The following ETNK1 variants were observed in gnomAD, a reference collection of about 807,000 sequenced individuals.
ETNK1 encodes ethanolamine kinase 1.
In ETNK1, 8 loss-of-function variants were observed where a neutral mutation model predicts 45.1. The ratio of observed to expected loss-of-function variants is 0.18; its 90% CI spans 0.10 to 0.32. The LOEUF (loss-of-function observed/expected upper bound fraction) is 0.32, where lower values mean the gene tolerates loss of function less well. ETNK1 is among the 10% of genes least tolerant of loss of function. The probability of loss-of-function intolerance (pLI) is 1.00; values close to 1 mark genes in which losing one functional copy is unlikely to be tolerated. For missense variants in ETNK1, 302 were observed against 430.6 expected (o/e 0.70, Z 2.64); for synonymous variants, 152 against 151.9 (o/e 1.00, Z -0.01).
At chr12:22,659,496 A>AT (rs1565444267) in intron 3 of ETNK1, among the ~76,000 whole-genome samples, 1 of 152,186 alleles carries the variant, frequency 6.6e-6, no homozygotes, top group Non-Finnish European at 1.5e-5. Context: ...GTCTAGTATT[A>AT]TATAGAATAA....
Position 22,658,996 on chromosome 12 carries a change from C to A in ETNK1, c.417-18C>A. ...TGATACTTAAGTTTTTCTTTTTATG[C>A]GGTTTTGTTTTAAACAGGCTAATAG... On this transcript the variant is annotated intron_variant, in intron 2 of 7. Transcript: ENST00000266517. 1 of 1,596,648 alleles carries A rather than the reference C, an allele frequency of 6.3e-7. No individual in the cohort carries two copies. Among genetic ancestry groups the A allele is most frequent in the Non-Finnish European group, 8.5e-7 (1 of 1,174,580 alleles).
intron 1 of ETNK1, among the ~76,000 whole-genome samples, chr12:22,633,408 A>G (rs1592111143): frequency 6.6e-6 from 1 of 152,196 alleles, no homozygotes; most frequent in Non-Finnish European, 1.5e-5. Context: ...TTACTGTAGC[A>G]GTACCACTCT....
intron 1 of ETNK1, among the ~76,000 whole-genome samples, chr12:22,629,290 A>G (rs570715499): frequency 2.0e-5 from 3 of 152,292 alleles, no homozygotes; most frequent in African/African-American, 7.2e-5. Context: ...AGATTACCCA[A>G]GAAGTTTAAA....
chr12:22,659,212 T>C lies in ETNK1; in HGVS notation c.557+58T>C. On this transcript the variant is annotated intron_variant, in intron 3 of 7. Coordinates refer to ENST00000266517, the MANE Select transcript of ETNK1 (RefSeq NM_018638.5). ...TACATTGCTTTGCTCTATGATAGGG[T>C]TTCAAAGGTAATTGTAAAGTTTCAT... 3.4e-6 allele frequency: 5 copies of C among 1,490,612 alleles called. No homozygotes were observed. The Admixed American group carries it at 9.8e-5, about 29-fold the overall frequency. 92.3% of individuals were successfully genotyped at this position (1,490,612 alleles called of 1,614,324 possible). A position where few individuals can be genotyped will look rare whatever the true frequency, so the allele number is the denominator to read the frequency against.
intron 6 of ETNK1, 28 bp from the exon 7 acceptor site, chr12:22,684,454 AT>A: frequency 2.6e-6 from 4 of 1,527,140 alleles, no homozygotes; most frequent in Non-Finnish European, 3.6e-6. Flanking sequence ...CATTATCATA[AT>A]TTTTGATTTT....
chr12:22,689,425 A>G lies in ETNK1; in HGVS notation c.*4471A>G, dbSNP rs1049349473. 20 of 151,982 alleles carry G rather than the reference A, an allele frequency of 1.3e-4. No homozygotes were observed. The highest frequency in any genetic ancestry group is 4.3e-4 in the African/African-American group (18 of 41,456). The allele number at this position is 151,982 out of a possible 1,614,324, so 9.4% of individuals were successfully genotyped here. A position where few individuals can be genotyped will look rare whatever the true frequency, so the allele number is the denominator to read the frequency against. On this transcript the variant is annotated 3_prime_UTR_variant, in exon 8 of 8. Transcript: ENST00000266517. ...TCATTGTGAATCCTGTAGCTTTTCT[A>G]GTTAACAAAAAATCGCTTTCTAAAA...
chr12:22,666,049 T>C (rs1954050363), intron 4 of ETNK1, among the ~76,000 whole-genome samples: 1 of 152,182 alleles, frequency 6.6e-6, no homozygotes, highest in East Asian at 1.9e-4. Flanking sequence ...CATTTTTACA[T>C]GCGAATGTTA....
intron 4 of ETNK1, among the ~76,000 whole-genome samples, chr12:22,661,783 A>G (rs1421475570): frequency 6.6e-6 from 1 of 152,184 alleles, no homozygotes; most frequent in Non-Finnish European, 1.5e-5. Context: ...CTTGGTAGAT[A>G]ATTTCAACAT....
In ETNK1 at chr12:22,659,163, A is replaced by G; in HGVS notation, c.557+9A>G. 6.2e-7 allele frequency: 1 copy of G among 1,608,592 alleles called. No individual in the cohort carries two copies. The highest frequency in any genetic ancestry group is 1.1e-5 in the South Asian group (1 of 90,502). The stretch of plus-strand genomic sequence containing the variant: ...GAAGACATTAATAAAAGGTAAAATT[A>G]TTTTTACATTTGAAATTATGTTTTA... On this transcript the variant is annotated intron_variant, in intron 3 of 7. Coordinates refer to ENST00000266517, the MANE Select transcript of ETNK1 (RefSeq NM_018638.5).
rs181535895 is a variant in ETNK1 at position 22,672,615 on chromosome 12, C to G, written c.785-885C>G. 1.2e-3 allele frequency among the ~76,000 whole-genome samples: 184 copies of G among 152,242 alleles called. 1 individual carries two copies. Among genetic ancestry groups the G allele is most frequent in the African/African-American group, 4.2e-3 (176 of 41,550 alleles). The stretch of plus-strand genomic sequence containing the variant: ...ATATGAAATAGAAAACTCCAGTGAT[C>G]TTCTAATGATTTTGTGGACAAAAAA... On this transcript the variant is annotated intron_variant, in intron 5 of 7. Coordinates refer to ENST00000266517, the MANE Select transcript of ETNK1 (RefSeq NM_018638.5).
intron 6 of ETNK1, among the ~76,000 whole-genome samples, chr12:22,679,112 CAAGTTG>C: frequency 6.6e-6 from 1 of 152,294 alleles, no homozygotes; most frequent in East Asian, 1.9e-4. Flanking sequence ...CACCTGATCA[CAAGTTG>C]AAGTCTCACA....
At chr12:22,646,370 G>A (rs1187933055) in intron 2 of ETNK1, among the ~76,000 whole-genome samples, 6 of 151,740 alleles carry the variant, frequency 4.0e-5, no homozygotes, top group African/African-American at 1.4e-4. Context: ...TACCAAGTAA[G>A]CAGATCAGTA....
intron 6 of ETNK1, chr12:22,682,412 C>A: frequency 3.4e-6 from 1 of 298,404 alleles, no homozygotes; most frequent in East Asian, 1.1e-4. Flanking sequence ...TTTGATAACT[C>A]TAGTTTGTAT....
intron 6 of ETNK1, among the ~76,000 whole-genome samples, chr12:22,675,222 AT>A (rs143003449): frequency 0.31 from 46,749 of 151,578 alleles, 8,177 homozygotes; most frequent in Non-Finnish European, 0.41. Flanking sequence ...TGCCTGGCTA[AT>A]TTTTTTAATT....
Position 22,690,644 on chromosome 12 carries a change from A to T in ETNK1, c.*5690A>T, listed in dbSNP as rs1954296678. ...CTGTAAATAAAAATTCGTTGTAACA[A>T]TAAAGTTGAGTTCTAACTACAGTGT... On this transcript the variant is annotated 3_prime_UTR_variant, in exon 8 of 8. Coordinates refer to ENST00000266517, the MANE Select transcript of ETNK1 (RefSeq NM_018638.5). 3 of 152,662 alleles carry T rather than the reference A, an allele frequency of 2.0e-5. No individual in the cohort carries two copies. Among genetic ancestry groups the T allele is most frequent in the Admixed American group, 1.3e-4 (2 of 15,300 alleles). The allele number at this position is 152,662 out of a possible 1,614,324, so 9.5% of individuals were successfully genotyped here.
intron 1 of ETNK1, among the ~76,000 whole-genome samples, chr12:22,629,169 A>T (rs951522919): frequency 6.6e-6 from 1 of 152,194 alleles, no homozygotes; most frequent in African/African-American, 2.4e-5. Context: ...ACTTGAATCA[A>T]AAAACAAATA....
intron 2 of ETNK1, among the ~76,000 whole-genome samples, chr12:22,648,991 G>C (rs1953841630): frequency 6.6e-6 from 1 of 151,960 alleles, no homozygotes; most frequent in Non-Finnish European, 1.5e-5. Context: ...CTTTTCATAT[G>C]CTTATTTACT....
chr12:22,668,061 A>T (rs1387449509), intron 4 of ETNK1, among the ~76,000 whole-genome samples: 1 of 152,234 alleles, frequency 6.6e-6, no homozygotes, highest in African/African-American at 2.4e-5. Context: ...AGATAAATAA[A>T]ATAACACACC....
Position 22,625,239 on chromosome 12 carries a change from G to T in ETNK1, c.-192G>T, listed in dbSNP as rs1172250125. On this transcript the variant is annotated 5_prime_UTR_variant, in exon 1 of 8. Coordinates refer to ENST00000266517, the MANE Select transcript of ETNK1 (RefSeq NM_018638.5). The stretch of plus-strand genomic sequence containing the variant: ...AGAGCGGGCCGGGCTCAGTTCAGCT[G>T]CTGTCCAGACCCGGATCGGCAACAG... The T allele has an allele frequency of 6.2e-7, 1 of 1,612,030 alleles. No individual in the cohort carries two copies. The highest frequency in any genetic ancestry group is 1.3e-5 in the African/African-American group (1 of 75,032).
Sources: gnomAD v4.1 joint callset for allele counts (sites outside exome capture counted in the v4.1 genomes callset) on GRCh38, gnomAD v4.1.1 for gene constraint, MANE v1.5 for transcripts, NCBI Gene and HGNC (gene_info 2026-07-23, HGNC 2026-07-21) for gene names.